PCDHGB7: variants seen among roughly 807,000 people sequenced by gnomAD.
PCDHGB7 encodes the protein protocadherin gamma-B7.
A neutral mutation model predicts 61.4 loss-of-function variants in PCDHGB7; 37 were observed. That is an observed-to-expected ratio of 0.60 (90% CI 0.46 to 0.79). The LOEUF (loss-of-function observed/expected upper bound fraction) is 0.79, where lower values mean the gene tolerates loss of function less well. PCDHGB7 is among the 30% of genes least tolerant of loss of function. The pLI is 0.00. For missense variants in PCDHGB7, 1,166 were observed against 1,202.5 expected, an observed-to-expected ratio of 0.97 and a Z score of 0.45; for synonymous variants, 464 against 503.5, an observed-to-expected ratio of 0.92 and a Z score of 1.05.
At chr5:141,499,689 CT>C (rs545067566) in intron 2 of PCDHGB7, among the ~76,000 whole-genome samples, 4,434 of 119,828 alleles carry the variant, frequency 0.037, 46 homozygotes, top group African/African-American at 0.083. Context: ...TAACAGATGA[CT>C]TTTTTTTTTT....
chr5:141,438,714 G>A (rs1051491309), intron 1 of PCDHGB7, among the ~76,000 whole-genome samples: 1 of 147,786 alleles, frequency 6.8e-6, no homozygotes, highest in South Asian at 2.2e-4. Flanking sequence ...AGGCTGGAGT[G>A]CAAGTGGTGT....
At chr5:141,420,386 AT>A (rs2096493306) in intron 1 of PCDHGB7, 112 bp downstream of exon 1, 1 of 1,284,798 alleles carries the variant, frequency 7.8e-7, no homozygotes, top group African/African-American at 1.5e-5. Flanking sequence ...AGTTCGCAAA[AT>A]ATAGGTCAAA....
chr5:141,505,925 C>T (rs1161562658), intron 3 of PCDHGB7, among the ~76,000 whole-genome samples: 4 of 152,140 alleles, frequency 2.6e-5, no homozygotes, highest in Admixed American at 1.3e-4. Context: ...CTGGGCCTGG[C>T]GCTTGGAAGC....
intron 1 of PCDHGB7, chr5:141,441,752 C>A (rs1043293959): frequency 5.3e-6 from 2 of 377,970 alleles, no homozygotes; most frequent in Non-Finnish European, 5.3e-6. Flanking sequence ...TCGGCGTCAA[C>A]GTGAGCCTGC....
intron 1 of PCDHGB7, chr5:141,423,619 T>A (rs1389600826): frequency 1.2e-6 from 2 of 1,608,208 alleles, no homozygotes; most frequent in Non-Finnish European, 1.7e-6. Context: ...AGCTGAAGAC[T>A]CAGCTATCAT....
At chr5:141,433,364 T>C (rs1246641841) in intron 1 of PCDHGB7, 1 of 524,614 alleles carries the variant, frequency 1.9e-6, no homozygotes, top group Admixed American at 3.5e-5. Context: ...TCTGCCTATC[T>C]ATCTATCTAT....
chr5:141,460,959 A>G (rs892536901), intron 1 of PCDHGB7, among the ~76,000 whole-genome samples: 2 of 126,082 alleles, frequency 1.6e-5, no homozygotes, highest in African/African-American at 7.1e-5. Context: ...ATGTATATAT[A>G]TATGTGTGTG....
At chr5:141,427,188 A>G (rs1346514063) in intron 1 of PCDHGB7, 1 of 456,744 alleles carries the variant, frequency 2.2e-6, no homozygotes, top group Admixed American at 2.3e-5. Flanking sequence ...AATTAAATCC[A>G]AAGACTTAAT....
intron 1 of PCDHGB7, among the ~76,000 whole-genome samples, chr5:141,463,314 A>G (rs1357327211): frequency 2.0e-5 from 3 of 151,098 alleles, no homozygotes; most frequent in Non-Finnish European, 2.9e-5. Context: ...TCTAATATCT[A>G]TTCCTCAACT....
chr5:141,443,650 CA>C (rs2098397782), intron 1 of PCDHGB7, among the ~76,000 whole-genome samples: 1 of 152,150 alleles, frequency 6.6e-6, no homozygotes. Flanking sequence ...ATAATGTTAG[CA>C]TAGCATTTTA....
intron 1 of PCDHGB7, among the ~76,000 whole-genome samples, chr5:141,466,246 A>G (rs1357175003): frequency 6.6e-6 from 1 of 152,100 alleles, no homozygotes; most frequent in Non-Finnish European, 1.5e-5. Flanking sequence ...TCATGGCTCA[A>G]TGCAGCCTTG....
At chr5:141,494,755 C>T (rs1246224213) in intron 1 of PCDHGB7, 52 bp from the exon 2 acceptor site, 18 of 1,613,724 alleles carry the variant, frequency 1.1e-5, no homozygotes, top group African/African-American at 1.3e-5. Context: ...GCTCGGGTGA[C>T]ATTCTAACTT....
chr5:141,500,571 C>T (rs1171231755), intron 2 of PCDHGB7, among the ~76,000 whole-genome samples: 1 of 152,196 alleles, frequency 6.6e-6, no homozygotes, highest in African/African-American at 2.4e-5. Context: ...GTCACACTTT[C>T]ATGTGACACT....
rs373297942 is a variant in PCDHGB7 at position 141,431,494 on chromosome 5, C to G, written c.2415+11220C>G. ...ACAACGCACCAGCGTTTGCTCAGCCCGAGTACCGCGCGAGCGTTCCGGAGA... is the reference window on the plus strand; with the variant it reads ...ACAACGCACCAGCGTTTGCTCAGCCGGAGTACCGCGCGAGCGTTCCGGAGA... On this transcript the variant is annotated intron_variant, in intron 1 of 3. Transcript: ENST00000398594. This position sits in a 1 kb window ranked among gnomAD's most constrained non-coding sequence, Gnocchi z 4.8. 16 of 1,613,838 alleles carry G rather than the reference C, an allele frequency of 9.9e-6. No individual in the cohort carries two copies. The highest frequency in any genetic ancestry group is 1.4e-5 in the Non-Finnish European group (16 of 1,180,030).
chr5:141,503,506 G>A (rs2099820313), intron 2 of PCDHGB7, among the ~76,000 whole-genome samples: 1 of 151,616 alleles, frequency 6.6e-6, no homozygotes, highest in African/African-American at 2.4e-5. Context: ...GGCTGAGGCA[G>A]GAGAATCACT....
rs1025985501 is a variant in PCDHGB7 at position 141,432,385 on chromosome 5, C to G, written c.2415+12111C>G. 2.5e-6 allele frequency: 4 copies of G among 1,614,138 alleles called. No homozygotes were observed. In the African/African-American group the frequency reaches 5.3e-5, roughly 22 times the overall value. Reference sequence around the variant, plus strand: ...CGCGGGACAACGGGCACCCGCCCCTCAGCAGCAACGTGTCGTTGAGCCTGT... The same window carrying G: ...CGCGGGACAACGGGCACCCGCCCCTGAGCAGCAACGTGTCGTTGAGCCTGT... On this transcript the variant is annotated intron_variant, in intron 1 of 3. Transcript: ENST00000398594. The surrounding 1 kb of genome is among the most constrained non-coding windows in gnomAD (Gnocchi z 6.0).
intron 1 of PCDHGB7, among the ~76,000 whole-genome samples, chr5:141,449,561 C>T (rs777459619): frequency 2.7e-4 from 39 of 147,008 alleles, no homozygotes; most frequent in Non-Finnish European, 4.6e-4. Flanking sequence ...TGCACTCCAG[C>T]CTGGGCGACA....
intron 1 of PCDHGB7, chr5:141,427,749 A>G (rs770208196): frequency 4.6e-6 from 6 of 1,299,142 alleles, no homozygotes; most frequent in South Asian, 2.4e-5. Context: ...CTCCTACTCC[A>G]TCGTTACCAC....
chr5:141,503,130 C>A (rs1406819266), intron 2 of PCDHGB7, among the ~76,000 whole-genome samples: 1 of 151,980 alleles, frequency 6.6e-6, no homozygotes, highest in Non-Finnish European at 1.5e-5. Context: ...CCTCTGGTAG[C>A]CCCTGACACA....
Sources: allele counts gnomAD v4.1 joint callset (sites outside exome capture counted in the v4.1 genomes callset), GRCh38; gene constraint gnomAD v4.1.1; non-coding constraint Gnocchi (gnomAD v3.1); transcripts MANE v1.5; gene names NCBI Gene and HGNC (gene_info 2026-07-23, HGNC 2026-07-21).